DZIP3: variants seen among roughly 807,000 people sequenced by gnomAD.
DZIP3 encodes the protein DAZ interacting zinc finger protein 3, also known as E3 ubiquitin-protein ligase DZIP3.
DZIP3 carries 118 observed loss-of-function variants against 162.0 expected under a neutral mutation model. The ratio of observed to expected loss-of-function variants is 0.73; its 90% CI spans 0.63 to 0.85. The LOEUF (loss-of-function observed/expected upper bound fraction) is 0.85, where lower values mean the gene tolerates loss of function less well. Ranked by LOEUF, DZIP3 falls within the 40% of genes least tolerant of loss-of-function variation. The pLI is 0.00. For missense variants in DZIP3, 1,331 were observed against 1,407.0 expected (o/e 0.95, Z 0.86); for synonymous variants, 438 against 458.6 (o/e 0.96, Z 0.57).
intron 19 of DZIP3, among the ~76,000 whole-genome samples, chr3:108,658,171 A>G (rs532711814): frequency 0.014 from 2,114 of 152,288 alleles, 53 homozygotes; most frequent in African/African-American, 0.049. Flanking sequence ...CTCCACCCCA[A>G]ATCAACAGAA....
intron 18 of DZIP3, among the ~76,000 whole-genome samples, chr3:108,653,521 A>G (rs868268183): frequency 0.012 from 1,745 of 141,582 alleles, 53 homozygotes; most frequent in African/African-American, 0.045. Flanking sequence ...ATATATATAT[A>G]TATATATATA....
chr3:108,639,371 G>A (rs1259279081), intron 12 of DZIP3, among the ~76,000 whole-genome samples: 1 of 152,166 alleles, frequency 6.6e-6, no homozygotes, highest in Admixed American at 6.5e-5. Context: ...ATTTTGACAG[G>A]CCACTAATTT....
rs375835117 is a variant in DZIP3 at position 108,677,625 on chromosome 3, T to C, written c.2883+27T>C. 14 of 1,587,938 alleles carry C rather than the reference T, an allele frequency of 8.8e-6. No homozygotes were observed. The African/African-American group carries it at 1.1e-4, about 12-fold the overall frequency. On this transcript the variant is annotated intron_variant, in intron 26 of 32. Transcript: ENST00000361582. The stretch of plus-strand genomic sequence containing the variant: ...TAAGAAATACAACATTTTGAATAAT[T>C]GCCCTTTTCATTTTGACAAAATGGT...
At chr3:108,593,441 A>G (rs1939535314) in intron 1 of DZIP3, among the ~76,000 whole-genome samples, 1 of 152,172 alleles carries the variant, frequency 6.6e-6, no homozygotes, top group Non-Finnish European at 1.5e-5. Flanking sequence ...ATACCTGTTC[A>G]TAAGTGAGCA....
rs545500233 is a variant in DZIP3, at chr3:108,590,280, G to T, written c.-73+441G>T. Among the ~76,000 whole-genome samples the T allele has an allele frequency of 5.3e-5, 8 of 152,216 alleles. No individual in the cohort carries two copies. In the South Asian group the frequency reaches 1.5e-3, roughly 28 times the overall value. On this transcript the variant is annotated intron_variant, in intron 1 of 32. Transcript: ENST00000361582. Reference sequence around the variant, plus strand: ...TTTTTGCTTAATATTTCCTAACGTCGAATAAAGCTTTAAAAACCAGGATGT... The same window carrying T: ...TTTTTGCTTAATATTTCCTAACGTCTAATAAAGCTTTAAAAACCAGGATGT...
chr3:108,609,469 G>GA (rs1451441971), intron 3 of DZIP3, among the ~76,000 whole-genome samples: 3 of 152,140 alleles, frequency 2.0e-5, no homozygotes, highest in Non-Finnish European at 4.4e-5. Flanking sequence ...ACTTTGACCT[G>GA]AATTTTGTTT....
In DZIP3 at chr3:108,641,544, C is replaced by T. The variant is rs556721855; in HGVS notation, c.1065-894C>T. On this transcript the variant is annotated intron_variant, in intron 12 of 32. Transcript: ENST00000361582. ...AGGTCAATATGAGCAGAAAATTTTC[C>T]AGAATATATACCTAAAAGTAGAATT... is the stretch of plus-strand genomic sequence containing the variant. 2.0e-5 allele frequency among the ~76,000 whole-genome samples: 3 copies of T among 152,246 alleles called. No individual in the cohort carries two copies. The East Asian group carries it at 5.8e-4, about 29-fold the overall frequency.
At chr3:108,682,318 G>A (rs1944349900) in intron 26 of DZIP3, among the ~76,000 whole-genome samples, 1 of 150,922 alleles carries the variant, frequency 6.6e-6, no homozygotes, top group Admixed American at 6.6e-5. Flanking sequence ...AGAGACACCT[G>A]CACTCCTATG....
At chr3:108,648,727 T>C (rs914327554) in intron 16 of DZIP3, 191 bp from the exon 17 acceptor site, 1 of 278,834 alleles carries the variant, frequency 3.6e-6, no homozygotes, top group African/African-American at 2.3e-5. Context: ...TCAGTGATTA[T>C]TTAAGGACAG....
chr3:108,606,518 A>T (rs1940384580), intron 2 of DZIP3, among the ~76,000 whole-genome samples: 1 of 152,214 alleles, frequency 6.6e-6, no homozygotes, highest in African/African-American at 2.4e-5. Context: ...TAACTATTAG[A>T]GATTCTGTGG....
At chr3:108,678,392 C>T (rs577599433) in intron 26 of DZIP3, among the ~76,000 whole-genome samples, 1 of 152,168 alleles carries the variant, frequency 6.6e-6, no homozygotes, top group South Asian at 2.1e-4. Flanking sequence ...TTCCATGAAA[C>T]CAGTCCCTGG....
chr3:108,622,878 C>CTGTG (rs1323518919), intron 5 of DZIP3, among the ~76,000 whole-genome samples: 2,211 of 79,376 alleles, frequency 0.028, 31 homozygotes, highest in Middle Eastern at 0.06. Context: ...CTCTCTCTCT[C>CTGTG]TCTGTGTGTG....
At chr3:108,648,623 C>A (rs536569021) in intron 16 of DZIP3, 31 of 179,204 alleles carry the variant, frequency 1.7e-4, no homozygotes, top group Non-Finnish European at 3.2e-4. Flanking sequence ...TAAAAAGTGT[C>A]TTCCTCCTTT....
At chr3:108,664,321 ACAC>A (rs1413705450) in intron 21 of DZIP3, among the ~76,000 whole-genome samples, 1 of 152,216 alleles carries the variant, frequency 6.6e-6, no homozygotes, top group South Asian at 2.1e-4. Flanking sequence ...CAGTGGCCCC[ACAC>A]CACCCCTTGG....
At chr3:108,657,880 A>T (rs1424142786) in intron 19 of DZIP3, among the ~76,000 whole-genome samples, 2 of 152,206 alleles carry the variant, frequency 1.3e-5, no homozygotes. Context: ...ACAAAGATCA[A>T]AAGAGACAAA....
At chr3:108,590,059 A>AT (rs1438321648) in intron 1 of DZIP3, 3 of 152,116 alleles carry the variant, frequency 2.0e-5, no homozygotes, top group Non-Finnish European at 4.4e-5. Context: ...TGGGCCAGGT[A>AT]TTGCTCCGGA....
chr3:108,670,045 C>G (rs1247658668), intron 22 of DZIP3, among the ~76,000 whole-genome samples: 1 of 151,910 alleles, frequency 6.6e-6, no homozygotes, highest in Non-Finnish European at 1.5e-5. Flanking sequence ...AGAGTTACCC[C>G]AGTCAGTACT....
At position 108,660,963 on chromosome 3, in the gene DZIP3, G is replaced by A. The variant is rs536901637; in HGVS notation, c.2200-914G>A. ...CCATCTCACACCAGTTAGAATGGCA[G>A]TCATTAAAAAGTCAGGAAACAACAG... is the stretch of plus-strand genomic sequence containing the variant. On this transcript the variant is annotated intron_variant, in intron 19 of 32. Coordinates refer to ENST00000361582, the MANE Select transcript of DZIP3 (RefSeq NM_014648.4). Among the ~76,000 whole-genome samples the A allele has an allele frequency of 7.0e-3, 1,063 of 152,132 alleles. 5 individuals are homozygous for A. The highest frequency in any genetic ancestry group is 0.024 in the African/African-American group (995 of 41,532).
chr3:108,665,848 T>C (rs888871770), intron 21 of DZIP3, among the ~76,000 whole-genome samples: 13 of 152,138 alleles, frequency 8.5e-5, no homozygotes, highest in Non-Finnish European at 1.8e-4. Flanking sequence ...AATCCTGTAT[T>C]TAGCAAAAAA....
Sources: gnomAD v4.1 joint callset for allele counts (sites outside exome capture counted in the v4.1 genomes callset) on GRCh38, gnomAD v4.1.1 for gene constraint, MANE v1.5 for transcripts, NCBI Gene and HGNC (gene_info 2026-07-23, HGNC 2026-07-21) for gene names.